Variants in FAM135B observed in about 807,000 individuals in gnomAD.
FAM135B encodes the protein family with sequence similarity 135 member B, also known as protein FAM135B.
Under a neutral mutation model 127.7 loss-of-function variants are expected in FAM135B, and 43 were observed. That is an observed-to-expected ratio of 0.34 (90% CI 0.26 to 0.43). FAM135B has a LOEUF of 0.43. Among genes scored for constraint, FAM135B ranks in the 20% least tolerant of loss-of-function variants. FAM135B has a pLI of 1.00. For synonymous variants in FAM135B, 670 were observed against 665.1 expected (o/e 1.01, Z -0.11); for missense variants, 1,558 against 1,725.6 (o/e 0.90, Z 1.72).
intron 7 of FAM135B, among the ~76,000 whole-genome samples, chr8:138,212,079 CAATA>C (rs1441618041): frequency 6.6e-6 from 1 of 152,086 alleles, no homozygotes; most frequent in Admixed American, 6.6e-5. Context: ...TAAATAAATA[CAATA>C]AAATAGCAAT....
chr8:138,318,350 C>T (rs1247616854), intron 2 of FAM135B, among the ~76,000 whole-genome samples: 1 of 152,244 alleles, frequency 6.6e-6, no homozygotes, highest in African/African-American at 2.4e-5. Flanking sequence ...CATATTAATA[C>T]AATGAGTCAG....
chr8:138,378,163 A>T (rs1469188228), intron 1 of FAM135B, among the ~76,000 whole-genome samples: 1 of 152,214 alleles, frequency 6.6e-6, no homozygotes, highest in Non-Finnish European at 1.5e-5. Context: ...TGAGCCATCG[A>T]CCTGGGCCAT....
chr8:138,209,153 C>T (rs9644437), intron 7 of FAM135B, among the ~76,000 whole-genome samples: 4,209 of 152,118 alleles, frequency 0.028, 115 homozygotes, highest in East Asian at 0.14. Flanking sequence ...CCCATCACTG[C>T]GGTGAACACT....
intron 7 of FAM135B, among the ~76,000 whole-genome samples, chr8:138,212,112 T>A (rs1284415212): frequency 6.6e-6 from 1 of 152,112 alleles, no homozygotes; most frequent in Non-Finnish European, 1.5e-5. Context: ...CAATTACCTA[T>A]TAGCAACGTG....
intron 2 of FAM135B, among the ~76,000 whole-genome samples, chr8:138,358,139 C>T (rs1259022367): frequency 6.6e-6 from 1 of 152,034 alleles, no homozygotes; most frequent in African/African-American, 2.4e-5. Flanking sequence ...TTATTCACTA[C>T]CACGAGAAAA....
chr8:138,354,498 G>A (rs1264253539), intron 2 of FAM135B, among the ~76,000 whole-genome samples: 1 of 152,078 alleles, frequency 6.6e-6, no homozygotes, highest in Non-Finnish European at 1.5e-5. Flanking sequence ...GATACCTCCT[G>A]GGTGGGCGTT....
intron 1 of FAM135B, among the ~76,000 whole-genome samples, chr8:138,372,434 T>C (rs1243363852): frequency 6.6e-6 from 1 of 152,152 alleles, no homozygotes; most frequent in Non-Finnish European, 1.5e-5. Flanking sequence ...ACAGGCATCA[T>C]CAGATTAGCC....
chr8:138,190,103 C>T (rs1043145399), intron 9 of FAM135B, among the ~76,000 whole-genome samples: 1 of 152,168 alleles, frequency 6.6e-6, no homozygotes, highest in Non-Finnish European at 1.5e-5. Context: ...TATCTTCATA[C>T]CTTCGTACTT....
intron 1 of FAM135B, among the ~76,000 whole-genome samples, chr8:138,377,348 C>A (rs138883933): frequency 6.7e-4 from 102 of 152,268 alleles, no homozygotes; most frequent in African/African-American, 2.4e-3. Context: ...GAGAAGGGAT[C>A]TACCTCAGTC....
At chr8:138,207,216 CTTTTTTTTT>C (rs72229891) in intron 7 of FAM135B, among the ~76,000 whole-genome samples, 1 of 134,062 alleles carries the variant, frequency 7.5e-6, no homozygotes, top group African/African-American at 2.8e-5. Context: ...TGAAACAATA[CTTTTTTTTT>C]TTTTTTTTTT....
intron 1 of FAM135B, among the ~76,000 whole-genome samples, chr8:138,474,229 A>T (rs1480230090): frequency 6.6e-6 from 1 of 152,106 alleles, no homozygotes; most frequent in Non-Finnish European, 1.5e-5. Flanking sequence ...CCATAGATGG[A>T]TGAACAAAAA....
At chr8:138,272,602 G>A (rs1435106646) in intron 3 of FAM135B, among the ~76,000 whole-genome samples, 3 of 152,298 alleles carry the variant, frequency 2.0e-5, no homozygotes, top group Admixed American at 2.0e-4. Context: ...ATAAACCATT[G>A]TGACCTACTA....
chr8:138,164,297 T>C (rs896704529), intron 12 of FAM135B, among the ~76,000 whole-genome samples: 6 of 152,034 alleles, frequency 3.9e-5, no homozygotes, highest in Non-Finnish European at 8.8e-5. Flanking sequence ...CAGAGGTCCA[T>C]GGAGAGAAGC....
chr8:138,236,523 T>C (rs1036692231), intron 7 of FAM135B, among the ~76,000 whole-genome samples: 29 of 152,268 alleles, frequency 1.9e-4, no homozygotes, highest in African/African-American at 6.7e-4. Context: ...TCATGGTTAA[T>C]GATGGGGATG....
At chr8:138,405,449 T>C (rs1256001038) in intron 1 of FAM135B, among the ~76,000 whole-genome samples, 12 of 147,892 alleles carry the variant, frequency 8.1e-5, no homozygotes, top group Non-Finnish European at 1.6e-4. Context: ...CACCTATGAG[T>C]GAGAACATGC....
chr8:138,198,428 G>A (rs1816836834), intron 7 of FAM135B, among the ~76,000 whole-genome samples: 1 of 152,174 alleles, frequency 6.6e-6, no homozygotes, highest in African/African-American at 2.4e-5. Context: ...CACTATAGAG[G>A]CCATGGGACA....
rs1051538317 is a variant in FAM135B at position 138,397,099 on chromosome 8, G to A, written c.-19-29097C>T. 2.0e-5 allele frequency among the ~76,000 whole-genome samples: 3 copies of A among 152,166 alleles called. No homozygotes were observed. The South Asian group carries it at 6.2e-4, about 31-fold the overall frequency. On this transcript the variant is annotated intron_variant, in intron 1 of 19. Coordinates refer to ENST00000395297, the MANE Select transcript of FAM135B (RefSeq NM_015912.4). ...ACCAGGTAGTCAGTCCCAGTCCTGA[G>A]CTGCCCAAGAACCGGATGAGCTGCT...
intron 2 of FAM135B, among the ~76,000 whole-genome samples, chr8:138,356,600 A>C (rs2131151468): frequency 6.6e-6 from 1 of 152,310 alleles, no homozygotes; most frequent in East Asian, 1.9e-4. Flanking sequence ...ATTTTTTCAA[A>C]TAAAACACCA....
chr8:138,224,729 C>T (rs979294413), intron 7 of FAM135B, among the ~76,000 whole-genome samples: 1 of 152,088 alleles, frequency 6.6e-6, no homozygotes, highest in African/African-American at 2.4e-5. Flanking sequence ...TTTGGAAAGT[C>T]ATTAGAGTTG....
Sources: allele counts gnomAD v4.1 joint callset (sites outside exome capture counted in the v4.1 genomes callset), GRCh38; gene constraint gnomAD v4.1.1; transcripts MANE v1.5; gene names NCBI Gene and HGNC (gene_info 2026-07-23, HGNC 2026-07-21).